Variants in ZRANB3 observed in about 807,000 individuals in gnomAD.
The protein encoded by ZRANB3 is zinc finger RANBP2-type containing 3, also known as DNA annealing helicase and endonuclease ZRANB3.
ZRANB3 carries 125 observed loss-of-function variants against 133.8 expected under a neutral mutation model. That is an observed-to-expected ratio of 0.93 (90% CI 0.81 to 1.08). The LOEUF (loss-of-function observed/expected upper bound fraction) is 1.08, where lower values mean the gene tolerates loss of function less well. Among genes scored for constraint, ZRANB3 ranks in the 50% least tolerant of loss-of-function variants. The probability of loss-of-function intolerance (pLI) is 0.00; values close to 1 mark genes in which losing one functional copy is unlikely to be tolerated. For synonymous variants in ZRANB3, 387 were observed against 432.7 expected (o/e 0.89, Z 1.31); for missense variants, 1,229 against 1,275.5 (o/e 0.96, Z 0.56).
intron 3 of ZRANB3, among the ~76,000 whole-genome samples, chr2:135,373,052 C>A (rs1452256305): frequency 6.6e-6 from 1 of 150,472 alleles, no homozygotes; most frequent in African/African-American, 2.4e-5. Context: ...AAGCGAGACT[C>A]CATCTCGAAA....
rs947249168 is a variant in ZRANB3, at chr2:135,268,857, C to T, written c.1386+105G>A. On this transcript the variant is annotated intron_variant, in intron 11 of 20. Transcript: ENST00000264159. ...CTATTATCATCATTATCTTGATGTGCTTAAGTATCCTTTGCCTGAAAACAC... is the reference window on the plus strand; with the variant it reads ...CTATTATCATCATTATCTTGATGTGTTTAAGTATCCTTTGCCTGAAAACAC... 34 of 1,081,684 alleles carry T rather than the reference C, an allele frequency of 3.1e-5. No individual in the cohort carries two copies. In the East Asian group the frequency reaches 7.6e-4, roughly 24 times the overall value. 67.0% of individuals were successfully genotyped at this position (1,081,684 alleles called of 1,614,324 possible).
In ZRANB3 at chr2:135,522,469, C is replaced by G. The variant is rs949679772; in HGVS notation, c.-8+8658G>C. Among the ~76,000 whole-genome samples the G allele has an allele frequency of 1.1e-4, 17 of 152,050 alleles. No individual in the cohort carries two copies. The South Asian group carries it at 2.3e-3, about 20-fold the overall frequency. On this transcript the variant is annotated intron_variant, in intron 1 of 20. Coordinates refer to ENST00000264159, the MANE Select transcript of ZRANB3 (RefSeq NM_032143.4). ...GGTGGTGTGGGGCTGGTTTCCCCAA[C>G]AGGGAGAAAAAAGCCACAGTTGCAA...
chr2:135,205,821 CACA>C (rs1405192331), intron 19 of ZRANB3, among the ~76,000 whole-genome samples: 20 of 152,244 alleles, frequency 1.3e-4, no homozygotes, highest in African/African-American at 4.6e-4. Flanking sequence ...AGTGTATATA[CACA>C]TACATAGCCT....
chr2:135,415,761 G>A (rs1387193249), intron 2 of ZRANB3, among the ~76,000 whole-genome samples: 74 of 152,156 alleles, frequency 4.9e-4, no homozygotes, highest in Non-Finnish European at 1.3e-4. Context: ...TACCCACCAT[G>A]ATCAAGTGGG....
At chr2:135,223,969 G>C (rs1171125046) in intron 15 of ZRANB3, among the ~76,000 whole-genome samples, 2 of 152,050 alleles carry the variant, frequency 1.3e-5, no homozygotes, top group Non-Finnish European at 2.9e-5. Flanking sequence ...ACAGGACTCA[G>C]CTTGTTTTAT....
intron 2 of ZRANB3, among the ~76,000 whole-genome samples, chr2:135,408,923 T>A (rs567469128): frequency 6.6e-6 from 1 of 151,894 alleles, no homozygotes; most frequent in African/African-American, 2.4e-5. Context: ...CATGTATACA[T>A]ATGTAACTAA....
At chr2:135,453,458 T>A (rs1690363440) in intron 2 of ZRANB3, among the ~76,000 whole-genome samples, 1 of 152,230 alleles carries the variant, frequency 6.6e-6, no homozygotes, top group Admixed American at 6.5e-5. Flanking sequence ...TTTCCAAACT[T>A]TTATGCTCTG....
intron 2 of ZRANB3, among the ~76,000 whole-genome samples, chr2:135,402,219 T>C (rs182073806): frequency 6.6e-4 from 100 of 152,156 alleles, no homozygotes; most frequent in Admixed American, 3.9e-4. Flanking sequence ...TATTCATTCA[T>C]CTTGATTTGA....
chr2:135,300,264 C>T (rs1455915795), intron 8 of ZRANB3, among the ~76,000 whole-genome samples: 1 of 151,788 alleles, frequency 6.6e-6, no homozygotes, highest in Non-Finnish European at 1.5e-5. Flanking sequence ...AAGTATATGC[C>T]CTTAAAATAG....
chr2:135,398,504 A>C (rs1687597231), intron 2 of ZRANB3, among the ~76,000 whole-genome samples: 1 of 147,698 alleles, frequency 6.8e-6, no homozygotes, highest in Admixed American at 6.8e-5. Context: ...AACAAACAAA[A>C]ACCATTTCTT....
intron 6 of ZRANB3, among the ~76,000 whole-genome samples, chr2:135,335,936 C>A (rs1167281727): frequency 6.6e-6 from 1 of 152,112 alleles, no homozygotes; most frequent in Non-Finnish European, 1.5e-5. Context: ...ATAGAGCAAG[C>A]CATTTAAACT....
At chr2:135,426,740 G>A (rs551015273) in intron 2 of ZRANB3, among the ~76,000 whole-genome samples, 15 of 144,658 alleles carry the variant, frequency 1.0e-4, no homozygotes, top group African/African-American at 3.6e-4. Context: ...GCTGAGGCAG[G>A]AGAATGGCAT....
In ZRANB3 at chr2:135,458,979, A is replaced by T. The variant is rs117085059; in HGVS notation, c.161+45350T>A. Among the ~76,000 whole-genome samples the T allele has an allele frequency of 6.5e-4, 99 of 152,190 alleles. 3 individuals carry two copies. The East Asian group carries it at 0.017, about 26-fold the overall frequency. ...AACTAATATTCAAACTAAAACAAGA[A>T]CCCAGGTCTCCTAACTCCCAAAGAC... On this transcript the variant is annotated intron_variant, in intron 2 of 20. Coordinates refer to ENST00000264159, the MANE Select transcript of ZRANB3 (RefSeq NM_032143.4).
chr2:135,464,566 G>A (rs908097296), intron 2 of ZRANB3, among the ~76,000 whole-genome samples: 1 of 152,178 alleles, frequency 6.6e-6, no homozygotes, highest in Non-Finnish European at 1.5e-5. Flanking sequence ...CTCTGGCCTG[G>A]CAATAATTGG....
intron 2 of ZRANB3, among the ~76,000 whole-genome samples, chr2:135,474,745 C>A (rs909140364): frequency 6.6e-6 from 1 of 152,066 alleles, no homozygotes; most frequent in African/African-American, 2.4e-5. Flanking sequence ...AGGACTAATG[C>A]AAGGATGGAT....
chr2:135,426,249 C>A (rs923621686), intron 2 of ZRANB3, among the ~76,000 whole-genome samples: 1 of 151,984 alleles, frequency 6.6e-6, no homozygotes, highest in African/African-American at 2.4e-5. Context: ...CAAATTCTAC[C>A]ACATGTATAA....
chr2:135,371,161 C>T (rs1686161235), intron 3 of ZRANB3, among the ~76,000 whole-genome samples: 1 of 152,176 alleles, frequency 6.6e-6, no homozygotes, highest in African/African-American at 2.4e-5. Flanking sequence ...AATTTAAGCT[C>T]ATTACTCAAA....
intron 2 of ZRANB3, among the ~76,000 whole-genome samples, chr2:135,423,843 A>G (rs190963559): frequency 3.8e-3 from 575 of 152,352 alleles, no homozygotes; most frequent in Non-Finnish European, 5.4e-3. Flanking sequence ...CCCACAATAA[A>G]TGATCTGAAT....
intron 12 of ZRANB3, among the ~76,000 whole-genome samples, chr2:135,261,012 A>G (rs1037403763): frequency 1.0e-4 from 15 of 148,618 alleles, no homozygotes; most frequent in African/African-American, 2.7e-4. Flanking sequence ...TGAATATATA[A>G]TATTCAATAA....
Sources: allele counts gnomAD v4.1 joint callset (sites outside exome capture counted in the v4.1 genomes callset), GRCh38; gene constraint gnomAD v4.1.1; transcripts MANE v1.5; gene names NCBI Gene and HGNC (gene_info 2026-07-23, HGNC 2026-07-21).